ENOX1: variants seen among roughly 807,000 people sequenced by gnomAD.
ENOX1 encodes ecto-NOX disulfide-thiol exchanger 1.
ENOX1 carries 42 observed loss-of-function variants against 82.5 expected under a neutral mutation model. That is an observed-to-expected ratio of 0.51 (90% CI 0.40 to 0.66). The LOEUF is 0.66. Among genes scored for constraint, ENOX1 ranks in the 30% least tolerant of loss-of-function variants. The pLI is 0.00. For synonymous variants in ENOX1, 271 were observed against 282.2 expected (o/e 0.96, Z 0.40); for missense variants, 608 against 811.6 (o/e 0.75, Z 3.05).
chr13:43,404,422 C>A (rs1340143839), intron 5 of ENOX1, among the ~76,000 whole-genome samples: 1 of 152,156 alleles, frequency 6.6e-6, no homozygotes, highest in Non-Finnish European at 1.5e-5. Flanking sequence ...GCTTTTAGAA[C>A]TTTCTCATCT....
chr13:43,409,778 T>C (rs973677578), intron 5 of ENOX1, among the ~76,000 whole-genome samples: 2 of 152,222 alleles, frequency 1.3e-5, no homozygotes, highest in Non-Finnish European at 2.9e-5. Flanking sequence ...GAAAATGTTA[T>C]ATTCAGTATG....
rs187529831 is a variant in ENOX1, at chr13:43,505,552, A to T, written c.-218-21400T>A. Among the ~76,000 whole-genome samples, 19 of 151,836 alleles carry T rather than the reference A, an allele frequency of 1.3e-4. No homozygotes were observed. The East Asian group carries it at 3.7e-3, about 29-fold the overall frequency. On this transcript the variant is annotated intron_variant, in intron 2 of 16. Transcript: ENST00000690772. ...AGTCTGCAATCAACAAACAAAAATAACCCTTGAGAAGTGTCTGTTTATATC... is the reference window on the plus strand; with the variant it reads ...AGTCTGCAATCAACAAACAAAAATATCCCTTGAGAAGTGTCTGTTTATATC...
At chr13:43,628,323 T>C (rs1297345425) in intron 2 of ENOX1, among the ~76,000 whole-genome samples, 1 of 152,160 alleles carries the variant, frequency 6.6e-6, no homozygotes, top group Non-Finnish European at 1.5e-5. Context: ...ATCATTGAGA[T>C]TGGAATTTCT....
At chr13:43,735,668 C>T (rs941383297) in intron 1 of ENOX1, among the ~76,000 whole-genome samples, 1 of 152,010 alleles carries the variant, frequency 6.6e-6, no homozygotes, top group Non-Finnish European at 1.5e-5. Flanking sequence ...TTGCAGTGAG[C>T]TGAGATCACA....
intron 1 of ENOX1, among the ~76,000 whole-genome samples, chr13:43,697,910 T>C (rs2086717956): frequency 1.3e-5 from 2 of 152,152 alleles, no homozygotes; most frequent in South Asian, 4.1e-4. Flanking sequence ...GCTCACAAAC[T>C]GACTGAAGCT....
At chr13:43,256,870 C>T (rs911083063) in intron 14 of ENOX1, among the ~76,000 whole-genome samples, 1 of 152,106 alleles carries the variant, frequency 6.6e-6, no homozygotes, top group Non-Finnish European at 1.5e-5. Context: ...TATTGCAGTA[C>T]TATTCACAAT....
rs1427094934 is a variant in ENOX1 at position 43,555,357 on chromosome 13, C to T, written c.-218-71205G>A. Among the ~76,000 whole-genome samples the T allele has an allele frequency of 7.2e-5, 11 of 152,276 alleles. 1 individual carries two copies. The South Asian group carries it at 1.0e-3, about 14-fold the overall frequency. ...ACTTTGCTAATTTCACAGTACTGTACGATACTTCTTGGTATTATGTGAAGT... is the reference window on the plus strand; with the variant it reads ...ACTTTGCTAATTTCACAGTACTGTATGATACTTCTTGGTATTATGTGAAGT... On this transcript the variant is annotated intron_variant, in intron 2 of 16. Transcript: ENST00000690772.
At chr13:43,451,458 C>T (rs750509499) in intron 3 of ENOX1, among the ~76,000 whole-genome samples, 24 of 151,930 alleles carry the variant, frequency 1.6e-4, no homozygotes, top group Non-Finnish European at 2.9e-4. Context: ...AATATAAAGC[C>T]CATGAACTTC....
intron 2 of ENOX1, among the ~76,000 whole-genome samples, chr13:43,550,518 T>G (rs781459701): frequency 3.9e-5 from 6 of 152,132 alleles, no homozygotes; most frequent in Non-Finnish European, 8.8e-5. Flanking sequence ...ATGTCAAGAA[T>G]AGTTTTGCCT....
intron 1 of ENOX1, among the ~76,000 whole-genome samples, chr13:43,683,707 T>C (rs2085913925): frequency 6.6e-6 from 1 of 152,048 alleles, no homozygotes; most frequent in Admixed American, 6.6e-5. Context: ...CTGAAAAACA[T>C]TCCAGGGCTA....
At chr13:43,288,253 G>C (rs1270468590) in intron 12 of ENOX1, among the ~76,000 whole-genome samples, 1 of 152,162 alleles carries the variant, frequency 6.6e-6, no homozygotes, top group Non-Finnish European at 1.5e-5. Context: ...TAATCTGAGA[G>C]ATGTACATGT....
At chr13:43,765,150 C>T (rs1951194904) in intron 1 of ENOX1, among the ~76,000 whole-genome samples, 1 of 152,094 alleles carries the variant, frequency 6.6e-6, no homozygotes, top group Non-Finnish European at 1.5e-5. Context: ...TTGTCATATT[C>T]CTCAACATGG....
chr13:43,754,997 G>T (rs1174743770), intron 1 of ENOX1, among the ~76,000 whole-genome samples: 2 of 151,504 alleles, frequency 1.3e-5, no homozygotes, highest in African/African-American at 4.9e-5. Context: ...CCTGCTTGCT[G>T]CATTGATTCT....
At chr13:43,530,873 T>A (rs1453377484) in intron 2 of ENOX1, among the ~76,000 whole-genome samples, 1 of 152,076 alleles carries the variant, frequency 6.6e-6, no homozygotes. Context: ...GGGTACCATT[T>A]AGATTAGCCA....
intron 2 of ENOX1, among the ~76,000 whole-genome samples, chr13:43,563,072 C>T (rs2079754718): frequency 6.6e-6 from 1 of 152,118 alleles, no homozygotes; most frequent in South Asian, 2.1e-4. Flanking sequence ...TGTCCAATGG[C>T]TGCAAAATAT....
intron 13 of ENOX1, among the ~76,000 whole-genome samples, chr13:43,267,738 A>C (rs1391961458): frequency 6.6e-6 from 1 of 152,166 alleles, no homozygotes; most frequent in Non-Finnish European, 1.5e-5. Flanking sequence ...AGAACCACCA[A>C]GGGGTAGCAG....
At chr13:43,406,814 C>T (rs984125355) in intron 5 of ENOX1, among the ~76,000 whole-genome samples, 6 of 152,006 alleles carry the variant, frequency 3.9e-5, no homozygotes, top group African/African-American at 1.4e-4. Flanking sequence ...CTTTTTGGAA[C>T]ATGTGTTTAA....
At chr13:43,781,861 G>C (rs1006700019) in intron 1 of ENOX1, among the ~76,000 whole-genome samples, 1 of 152,196 alleles carries the variant, frequency 6.6e-6, no homozygotes, top group Admixed American at 6.5e-5. Context: ...CTATGTGTAT[G>C]TGGAAGTATA....
chr13:43,753,750 T>A (rs955422947), intron 1 of ENOX1, among the ~76,000 whole-genome samples: 2 of 152,230 alleles, frequency 1.3e-5, no homozygotes. Flanking sequence ...AATTCAAATA[T>A]GTAGTATCTA....
Sources: gnomAD v4.1 joint callset for allele counts (sites outside exome capture counted in the v4.1 genomes callset) on GRCh38, gnomAD v4.1.1 for gene constraint, MANE v1.5 for transcripts, NCBI Gene and HGNC (gene_info 2026-07-23, HGNC 2026-07-21) for gene names.